The following CEP126 variants were observed in gnomAD, a reference collection of about 807,000 sequenced individuals.
CEP126 encodes the protein centrosomal protein 126.
In CEP126, 74 loss-of-function variants were observed where a neutral mutation model predicts 107.8. The observed-to-expected ratio is 0.69, with a 90% CI of 0.57 to 0.83. The LOEUF (loss-of-function observed/expected upper bound fraction) is 0.83, where lower values mean the gene tolerates loss of function less well. Among genes scored for constraint, CEP126 ranks in the 40% least tolerant of loss-of-function variants. The pLI is 0.00. For missense variants in CEP126, 1,237 were observed against 1,281.9 expected, an observed-to-expected ratio of 0.96 and a Z score of 0.53; for synonymous variants, 449 against 446.0, an observed-to-expected ratio of 1.01 and a Z score of -0.08.
rs1385800012 is a variant in CEP126 at position 101,986,613 on chromosome 11, C to T, written c.3035-219C>T. On this transcript the variant is annotated intron_variant, in intron 8 of 10. Transcript: ENST00000263468. Reference sequence around the variant, plus strand: ...CTGGGAATTTTTATTAACTCACTGCCGTCATTTTGAATATCCTTTTTTAAA... The same window carrying T: ...CTGGGAATTTTTATTAACTCACTGCTGTCATTTTGAATATCCTTTTTTAAA... 3.3e-5 allele frequency among the ~76,000 whole-genome samples: 5 copies of T among 152,070 alleles called. No individual in the cohort carries two copies. The East Asian group carries it at 7.7e-4, about 23-fold the overall frequency.
chr11:101,944,516 A>T (rs944365365), intron 3 of CEP126, 106 bp downstream of exon 3: 7 of 1,082,170 alleles, frequency 6.5e-6, no homozygotes, highest in Non-Finnish European at 6.6e-6. Context: ...ACAAACTAAA[A>T]AGACCAATAT....
chr11:101,928,531 A>C (rs1176536857), intron 2 of CEP126, among the ~76,000 whole-genome samples: 1 of 152,140 alleles, frequency 6.6e-6, no homozygotes, highest in Non-Finnish European at 1.5e-5. Flanking sequence ...AGTTTTAGTT[A>C]ATCTTTCTAT....
chr11:101,950,902 T>C (rs1940803304), intron 4 of CEP126, among the ~76,000 whole-genome samples: 1 of 152,194 alleles, frequency 6.6e-6, no homozygotes, highest in Admixed American at 6.5e-5. Context: ...CAGGGAGTGA[T>C]AGCATCCTCT....
intron 2 of CEP126, among the ~76,000 whole-genome samples, chr11:101,934,530 C>T (rs1394517405): frequency 9.2e-5 from 14 of 152,070 alleles, no homozygotes; most frequent in Non-Finnish European, 1.8e-4. Context: ...TCCCATCCCT[C>T]ATGTTCTCAC....
intron 8 of CEP126, among the ~76,000 whole-genome samples, chr11:101,984,815 A>T (rs532933750): frequency 7.2e-5 from 11 of 152,322 alleles, no homozygotes; most frequent in African/African-American, 2.4e-4. Flanking sequence ...CTTGTGCCTC[A>T]GCTGCTTCTG....
chr11:101,947,916 T>C lies in CEP126; in HGVS notation c.395-115T>C, dbSNP rs1374728813. 8.9e-6 allele frequency: 4 copies of C among 447,102 alleles called. No homozygotes were observed. The South Asian group carries it at 3.5e-4, about 39-fold the overall frequency. 27.7% of individuals were successfully genotyped at this position (447,102 alleles called of 1,614,324 possible). On this transcript the variant is annotated intron_variant, in intron 3 of 10. Coordinates refer to ENST00000263468, the MANE Select transcript of CEP126 (RefSeq NM_020802.4). ...GTATTTACACTATTCTGAAAATATT[T>C]TATTTTTACAAAAGTTTTAAAGTAA...
In CEP126 at chr11:101,987,035, CTACAT is replaced by C. The variant is rs1459348833; in HGVS notation, c.3240_3244del (p.His1081TyrfsTer27). On this transcript the variant is annotated frameshift_variant and splice_region_variant, in exon 9 of 11. Coordinates refer to ENST00000263468, the MANE Select transcript of CEP126 (RefSeq NM_020802.4). LOFTEE classifies it high-confidence loss of function. ...GTCCCTTAATGATCTCAGTGAAAGACTACATTGTAAGTATGGAAGAACACCTTTTA... is the reference window on the plus strand; with the variant it reads ...GTCCCTTAATGATCTCAGTGAAAGACTGTAAGTATGGAAGAACACCTTTTA... 5 of 1,581,628 alleles carry C rather than the reference CTACAT, an allele frequency of 3.2e-6. No homozygotes were observed. The African/African-American group carries it at 5.4e-5, about 17-fold the overall frequency.
chr11:101,947,963 A>G, intron 3 of CEP126, 68 bp from the exon 4 acceptor site: 1 of 644,950 alleles, frequency 1.6e-6, no homozygotes, highest in Non-Finnish European at 2.5e-6. Flanking sequence ...TAACCAATTA[A>G]ATTATATGTA....
chr11:101,928,990 C>T (rs1940451927), intron 2 of CEP126, among the ~76,000 whole-genome samples: 1 of 152,182 alleles, frequency 6.6e-6, no homozygotes, highest in Non-Finnish European at 1.5e-5. Context: ...CTGACATCTT[C>T]ACTATGTTGG....
intron 2 of CEP126, among the ~76,000 whole-genome samples, chr11:101,923,876 T>A (rs1409975055): frequency 2.6e-5 from 4 of 152,172 alleles, no homozygotes; most frequent in Admixed American, 6.5e-5. Context: ...ATTAATTACA[T>A]CTATTTCAAG....
In CEP126 at chr11:101,915,389, G is replaced by C. The variant is rs1473005365; in HGVS notation, c.105G>C (p.Gly35=). The C allele has an allele frequency of 6.2e-7, 1 of 1,613,486 alleles. No individual in the cohort carries two copies. Among genetic ancestry groups the C allele is most frequent in the Non-Finnish European group, 8.5e-7 (1 of 1,179,830 alleles). Residue 35 remains glycine (G), a synonymous_variant, in exon 1 of 11, where the codon GGG becomes GGC. Coordinates refer to ENST00000263468, the MANE Select transcript of CEP126 (RefSeq NM_020802.4). The part of the protein sequence containing the change: ...RAPLGPRESG[G]HHRPGSYLDM... Reference sequence around the variant, plus strand: ...CCCTCGGCCCTCGGGAGAGCGGCGGGCATCACCGACCTGGCTCTTACCTGT... The same window carrying C: ...CCCTCGGCCCTCGGGAGAGCGGCGGCCATCACCGACCTGGCTCTTACCTGT...
In CEP126 at chr11:101,986,958, C is replaced by T; in HGVS notation, c.3161C>T (p.Thr1054Ile). The stretch of plus-strand genomic sequence containing the variant: ...AAATCAAATCTACCTTTAAATAAAA[C>T]TCAACAATTCAACATCTGCACACTG... ...IQKSNLPLNK[T>I]QQFNICTLSA... Residue 1054 changes from threonine to isoleucine, a missense_variant, in exon 9 of 11, where the codon ACT (threonine) becomes ATT (isoleucine). Thr to Ile is a moderately conservative substitution (Grantham distance 89, BLOSUM62 -1). Transcript: ENST00000263468. 6.2e-7 allele frequency: 1 copy of T among 1,613,730 alleles called. No homozygotes were observed. The highest frequency in any genetic ancestry group is 8.5e-7 in the Non-Finnish European group (1 of 1,179,798).
intron 4 of CEP126, among the ~76,000 whole-genome samples, chr11:101,948,597 C>T (rs1940770562): frequency 6.6e-6 from 1 of 152,078 alleles, no homozygotes; most frequent in African/African-American, 2.4e-5. Context: ...TGCAGGATGG[C>T]ATAAGTGAAT....
chr11:101,991,894 ATTTTGC>A (rs1941387994), intron 9 of CEP126, among the ~76,000 whole-genome samples: 1 of 152,214 alleles, frequency 6.6e-6, no homozygotes, highest in African/African-American at 2.4e-5. Flanking sequence ...AAACAATATT[ATTTTGC>A]ATCCTTGCAA....
Position 101,999,464 on chromosome 11 carries a change from T to G in CEP126, c.*1821T>G, listed in dbSNP as rs1486663324. ...CAAGCAAAAAGATAGTTGAAAATAG[T>G]TAAGATCCAAAGTCAGAATAGGCCA... On this transcript the variant is annotated 3_prime_UTR_variant, in exon 11 of 11. Transcript: ENST00000263468. 1 of 134,698 alleles carries G rather than the reference T, an allele frequency of 7.4e-6. No homozygotes were observed. The allele number at this position is 134,698 out of a possible 1,614,324, so 8.3% of individuals were successfully genotyped here.
chr11:101,976,328 T>G (rs1280229126), intron 6 of CEP126, among the ~76,000 whole-genome samples: 1 of 152,208 alleles, frequency 6.6e-6, no homozygotes, highest in Non-Finnish European at 1.5e-5. Flanking sequence ...GTCTAATGAT[T>G]AGTGATGTTG....
chr11:101,963,304 A>G lies in CEP126; in HGVS notation c.2269A>G (p.Ile757Val). Residue 757 changes from isoleucine to valine, a missense_variant, in exon 6 of 11, where the codon ATT becomes GTT. Ile to Val is a conservative substitution (Grantham distance 29). This residue lies in a region of CEP126 where 1,134 missense variants were observed against 1,150.5 expected (regional missense o/e 0.99). Transcript: ENST00000263468. ...GCCACAAAGAGGTAGAGCAAAAATA[A>G]TTAGAAAACCAGGATCTGCAAAAGT... The part of the protein sequence containing the change: ...GKPQRGRAKI[I>V]RKPGSAKVQS... 1 of 1,613,978 alleles carries G rather than the reference A, an allele frequency of 6.2e-7. No homozygotes were observed. Among genetic ancestry groups the G allele is most frequent in the Admixed American group, 1.7e-5 (1 of 59,998 alleles).
At chr11:101,966,472 A>G (rs916275123) in intron 6 of CEP126, among the ~76,000 whole-genome samples, 1 of 152,164 alleles carries the variant, frequency 6.6e-6, no homozygotes, top group African/African-American at 2.4e-5. Flanking sequence ...ACACTCTAGC[A>G]TAACTCTCTA....
In CEP126 at chr11:101,999,904, T is replaced by A. The variant is rs148687380; in HGVS notation, c.*2261T>A. 3 of 152,326 alleles carry A rather than the reference T, an allele frequency of 2.0e-5. No homozygotes were observed. The highest frequency in any genetic ancestry group is 7.2e-5 in the African/African-American group (3 of 41,554). The allele number at this position is 152,326 out of a possible 1,614,324, so 9.4% of individuals were successfully genotyped here. On this transcript the variant is annotated 3_prime_UTR_variant, in exon 11 of 11. Transcript: ENST00000263468. ...CTATATAAAATATAAAAATGTTGGC[T>A]GTGCACGGTAGCTTATGCCTGTAAT... is the stretch of plus-strand genomic sequence containing the variant.
Sources: allele counts gnomAD v4.1 joint callset (sites outside exome capture counted in the v4.1 genomes callset), GRCh38; gene constraint gnomAD v4.1.1; regional missense constraint gnomAD v4.1.1; transcripts MANE v1.5; gene names NCBI Gene and HGNC (gene_info 2026-07-23, HGNC 2026-07-21).